The following BROX variants were observed in gnomAD, a reference collection of about 807,000 sequenced individuals.
BROX encodes the protein BRO1 domain and CAAX motif containing, also known as BRO1 domain-containing protein BROX.
BROX carries 53 observed loss-of-function variants against 61.0 expected under a neutral mutation model. The observed-to-expected ratio is 0.87, with a 90% CI of 0.70 to 1.09. BROX has a LOEUF of 1.09. Ranked by LOEUF, BROX falls within the 50% of genes least tolerant of loss-of-function variation. The pLI is 0.00. For missense variants in BROX, 489 were observed against 472.0 expected, an observed-to-expected ratio of 1.04 and a Z score of -0.33; for synonymous variants, 152 against 160.2, an observed-to-expected ratio of 0.95 and a Z score of 0.38.
Position 222,712,599 on chromosome 1 carries a change from C to G in BROX, c.-360C>G. ...GGGCCGCCATCGCTATTGCGGCATT[C>G]TCCCTCGGCTCCGGAGGTAGGGGCA... On this transcript the variant is annotated 5_prime_UTR_variant, in exon 1 of 13. Transcript: ENST00000340934. 1 of 1,346,594 alleles carries G rather than the reference C, an allele frequency of 7.4e-7. No homozygotes were observed. Among genetic ancestry groups the G allele is most frequent in the Non-Finnish European group, 9.7e-7 (1 of 1,034,416 alleles). 83.4% of individuals were successfully genotyped at this position (1,346,594 alleles called of 1,614,324 possible). A position where few individuals can be genotyped will look rare whatever the true frequency, so the allele number is the denominator to read the frequency against.
intron 4 of BROX, among the ~76,000 whole-genome samples, chr1:222,721,157 A>T (rs1657068751): frequency 6.6e-6 from 1 of 152,212 alleles, no homozygotes; most frequent in African/African-American, 2.4e-5. Flanking sequence ...TATTATTTAA[A>T]AGTTATAAAT....
At chr1:222,725,848 CTG>C (rs1657461475) in intron 7 of BROX, among the ~76,000 whole-genome samples, 6 of 152,162 alleles carry the variant, frequency 3.9e-5, no homozygotes, top group Non-Finnish European at 8.8e-5. Context: ...GAGGTCAAAG[CTG>C]TAGTAAGGCA....
rs1001710497 is a variant in BROX at position 222,734,148 on chromosome 1, T to C, written c.*1434T>C. On this transcript the variant is annotated 3_prime_UTR_variant, in exon 13 of 13. Coordinates refer to ENST00000340934, the MANE Select transcript of BROX (RefSeq NM_144695.4). ...ATAATACTTTAACAGAAGTCACACA[T>C]CTGTAGGTTTATCTTTTGATTATTC... 6.6e-6 allele frequency: 1 copy of C among 152,204 alleles called. No homozygotes were observed. Among genetic ancestry groups the C allele is most frequent in the Non-Finnish European group, 1.5e-5 (1 of 68,006 alleles). The allele number at this position is 152,204 out of a possible 1,614,324, so 9.4% of individuals were successfully genotyped here. A position where few individuals can be genotyped will look rare whatever the true frequency, so the allele number is the denominator to read the frequency against.
At chr1:222,721,839 C>T (rs1049457776) in intron 4 of BROX, among the ~76,000 whole-genome samples, 1 of 152,160 alleles carries the variant, frequency 6.6e-6, no homozygotes, top group Admixed American at 6.5e-5. Context: ...TCCAGTCAAG[C>T]TCATTGGGTC....
Position 222,733,308 on chromosome 1 carries a change from T to TGAC in BROX, c.*595_*597dup, listed in dbSNP as rs1414088459. 6.6e-6 allele frequency: 1 copy of TGAC among 152,456 alleles called. No individual in the cohort carries two copies. The highest frequency in any genetic ancestry group is 1.5e-5 in the Non-Finnish European group (1 of 68,276). The allele number at this position is 152,456 out of a possible 1,614,324, so 9.4% of individuals were successfully genotyped here. A position where few individuals can be genotyped will look rare whatever the true frequency, so the allele number is the denominator to read the frequency against. Reference sequence around the variant, plus strand: ...GTTGGCCAGGCTGGTCTCGAACTCCTGACCTCAGCTGATCTGCCCGCCTTG... The same window carrying TGAC: ...GTTGGCCAGGCTGGTCTCGAACTCCTGACGACCTCAGCTGATCTGCCCGCCTTG... On this transcript the variant is annotated 3_prime_UTR_variant, in exon 13 of 13. Transcript: ENST00000340934.
intron 7 of BROX, 38 bp downstream of exon 7, chr1:222,725,593 C>A: frequency 6.8e-7 from 1 of 1,472,064 alleles, no homozygotes; most frequent in South Asian, 1.2e-5. Flanking sequence ...AAATGAAAGT[C>A]TATATTGTCA....
chr1:222,732,108 T>A (rs951235050), intron 12 of BROX, among the ~76,000 whole-genome samples: 43 of 152,204 alleles, frequency 2.8e-4, no homozygotes, highest in African/African-American at 1.0e-3. Context: ...TTAAAATTTA[T>A]TCCTTAAAAT....
At chr1:222,716,288 G>A (rs760698731) in intron 2 of BROX, among the ~76,000 whole-genome samples, 6 of 151,948 alleles carry the variant, frequency 3.9e-5, no homozygotes, top group Admixed American at 1.3e-4. Context: ...TAGTAGAGAC[G>A]GGTTTTCACC....
intron 5 of BROX, among the ~76,000 whole-genome samples, chr1:222,722,875 TTA>T (rs762986037): frequency 2.0e-5 from 3 of 152,204 alleles, no homozygotes; most frequent in Non-Finnish European, 4.4e-5. Flanking sequence ...ACGTATACTC[TTA>T]TAAATCAGCA....
At chr1:222,722,334 T>C in intron 4 of BROX, 85 bp from the exon 5 acceptor site, 1 of 1,111,756 alleles carries the variant, frequency 9.0e-7, no homozygotes, top group Non-Finnish European at 1.3e-6. Flanking sequence ...TACTTCTTTG[T>C]AATTTTGAGT....
At chr1:222,724,951 G>A (rs1207880683) in intron 6 of BROX, among the ~76,000 whole-genome samples, 2 of 151,836 alleles carry the variant, frequency 1.3e-5, no homozygotes, top group African/African-American at 2.4e-5. Flanking sequence ...CTGCCACCAC[G>A]CCCAGCTAAT....
chr1:222,714,578 T>G (rs1427805598), intron 1 of BROX, among the ~76,000 whole-genome samples: 6 of 150,796 alleles, frequency 4.0e-5, no homozygotes, highest in African/African-American at 4.9e-5. Flanking sequence ...AGTTTTTGTT[T>G]TTTGTTTTTT....
intron 12 of BROX, 144 bp downstream of exon 12, chr1:222,731,660 CTG>C: frequency 2.5e-6 from 2 of 814,916 alleles, no homozygotes; most frequent in Non-Finnish European, 3.6e-6. Flanking sequence ...TTAATGTAAT[CTG>C]TGGTAGAACA....
At chr1:222,722,382 A>G in intron 4 of BROX, 37 bp from the exon 5 acceptor site, 2 of 1,534,024 alleles carry the variant, frequency 1.3e-6, no homozygotes, top group Non-Finnish European at 1.8e-6. Flanking sequence ...ATGTCTGGAT[A>G]ATTGACAGAA....
intron 1 of BROX, among the ~76,000 whole-genome samples, chr1:222,714,400 G>T (rs1411658878): frequency 6.6e-6 from 1 of 150,718 alleles, no homozygotes; most frequent in Non-Finnish European, 1.5e-5. Context: ...TAGAGTCACC[G>T]TGTTAGCCAG....
intron 11 of BROX, 57 bp from the exon 12 acceptor site, chr1:222,731,300 T>C: frequency 2.8e-6 from 4 of 1,419,446 alleles, no homozygotes; most frequent in South Asian, 2.8e-5. Context: ...CTTGAACATA[T>C]TAGGCACTCA....
chr1:222,717,406 CTG>C (rs1656715249), intron 2 of BROX, among the ~76,000 whole-genome samples: 1 of 152,108 alleles, frequency 6.6e-6, no homozygotes, highest in African/African-American at 2.4e-5. Flanking sequence ...TTAAATATAT[CTG>C]AGGTACATTT....
In BROX at chr1:222,714,369, A is replaced by AT. The variant is rs951352218; in HGVS notation, c.-16-1305dup. ...AGGCGACCGCCACCATGCCCGGCTAATTTTTTTTTTGTACTTTTAGTAGAG... is the reference window on the plus strand; with the variant it reads ...AGGCGACCGCCACCATGCCCGGCTAATTTTTTTTTTTGTACTTTTAGTAGAG... On this transcript the variant is annotated intron_variant, in intron 1 of 12. Coordinates refer to ENST00000340934, the MANE Select transcript of BROX (RefSeq NM_144695.4). Among the ~76,000 whole-genome samples the AT allele has an allele frequency of 1.2e-4, 17 of 147,794 alleles. No individual in the cohort carries two copies. The East Asian group carries it at 1.2e-3, about 10-fold the overall frequency.
At chr1:222,717,923 T>C (rs1460444061) in intron 2 of BROX, 1 of 152,238 alleles carries the variant, frequency 6.6e-6, no homozygotes, top group Non-Finnish European at 1.5e-5. Flanking sequence ...ATTTAGTCTT[T>C]CTTTAATGGT....
Sources: gnomAD v4.1 joint callset for allele counts (sites outside exome capture counted in the v4.1 genomes callset) on GRCh38, gnomAD v4.1.1 for gene constraint, MANE v1.5 for transcripts, NCBI Gene and HGNC (gene_info 2026-07-23, HGNC 2026-07-21) for gene names.